Variants in EYS observed in about 807,000 individuals in gnomAD.
The protein encoded by EYS is EGF-like photoreceptor maintenance factor.
EYS carries 250 observed loss-of-function variants against 282.1 expected under a neutral mutation model. That is an observed-to-expected ratio of 0.89 (90% confidence interval 0.80 to 0.98). EYS has a LOEUF of 0.98. Among genes scored for constraint, EYS ranks in the 50% least tolerant of loss-of-function variants. The pLI, the probability that EYS is intolerant of heterozygous loss-of-function variation, is 0.00. For missense variants in EYS, 4,016 were observed against 3,709.0 expected (o/e 1.08, Z -2.15); for synonymous variants, 1,355 against 1,282.9 (o/e 1.06, Z -1.20).
At chr6:64,481,760 C>G (rs1435533412) in intron 26 of EYS, among the ~76,000 whole-genome samples, 1 of 151,372 alleles carries the variant, frequency 6.6e-6, no homozygotes, top group Non-Finnish European at 1.5e-5. Flanking sequence ...TCTACTCAAG[C>G]CAAGTGTTCA....
intron 35 of EYS, among the ~76,000 whole-genome samples, chr6:63,931,206 T>G (rs1188694165): frequency 6.6e-6 from 1 of 152,224 alleles, no homozygotes; most frequent in Non-Finnish European, 1.5e-5. Flanking sequence ...GGTGGCTTAA[T>G]GAGCCACCCC....
At chr6:64,778,452 T>A (rs1341871066) in intron 22 of EYS, among the ~76,000 whole-genome samples, 2 of 152,194 alleles carry the variant, frequency 1.3e-5, no homozygotes, top group Non-Finnish European at 2.9e-5. Context: ...CAATCTGCCC[T>A]TGGGCATTTT....
At chr6:64,424,764 G>C (rs1389519925) in intron 28 of EYS, among the ~76,000 whole-genome samples, 1 of 152,122 alleles carries the variant, frequency 6.6e-6, no homozygotes, top group Non-Finnish European at 1.5e-5. Flanking sequence ...ATTCAACCGG[G>C]AAGAAGACAG....
chr6:65,443,705 TGCA>T (rs1768532330), intron 5 of EYS, among the ~76,000 whole-genome samples: 1 of 53,802 alleles, frequency 1.9e-5, no homozygotes, highest in African/African-American at 5.2e-5. Context: ...TACACATATG[TGCA>T]TATACACATA....
chr6:65,004,096 T>A (rs1335992717), intron 13 of EYS, among the ~76,000 whole-genome samples: 1 of 147,464 alleles, frequency 6.8e-6, no homozygotes, highest in Non-Finnish European at 1.5e-5. Flanking sequence ...GTGATATATG[T>A]ATAAAATAGG....
intron 32 of EYS, among the ~76,000 whole-genome samples, chr6:64,068,819 C>T (rs140288101): frequency 2.0e-5 from 3 of 152,144 alleles, no homozygotes; most frequent in Admixed American, 2.0e-4. Context: ...CACTCAAAGA[C>T]ACCCATGTAC....
chr6:65,295,992 G>A lies in EYS; in HGVS notation c.1894C>T (p.Leu632=). 1.9e-6 allele frequency: 3 copies of A among 1,551,246 alleles called. No individual in the cohort carries two copies. The highest frequency in any genetic ancestry group is 2.6e-6 in the Non-Finnish European group (3 of 1,146,580). ...ALSHNCNCSG[L]QRYERNICEI... Reference sequence around the variant, plus strand: ...CAGATGTTCCTTTCATATCTTTGCAGACCGCTACAGTTACAATTGTGCGAA... The same window carrying A: ...CAGATGTTCCTTTCATATCTTTGCAAACCGCTACAGTTACAATTGTGCGAA... The change falls in exon 12 of 43, where the codon CTG becomes TTG. Residue 632 remains leucine (L), a synonymous_variant. Coordinates refer to ENST00000503581, the MANE Select transcript of EYS (RefSeq NM_001142800.2).
chr6:63,787,186 C>T (rs1267571907), intron 39 of EYS: 1 of 151,942 alleles, frequency 6.6e-6, no homozygotes, highest in Admixed American at 6.5e-5. Flanking sequence ...GAGAAAGGGC[C>T]AGCTCTGTGT....
At chr6:64,741,091 G>T (rs1244489783) in intron 22 of EYS, among the ~76,000 whole-genome samples, 1 of 152,078 alleles carries the variant, frequency 6.6e-6, no homozygotes, top group East Asian at 1.9e-4. Context: ...ATCTACCAGA[G>T]AAATCACTGC....
intron 9 of EYS, among the ~76,000 whole-genome samples, chr6:65,349,740 T>C (rs574026001): frequency 2.6e-5 from 4 of 151,566 alleles, no homozygotes; most frequent in African/African-American, 9.6e-5. Context: ...ACTCAAATAC[T>C]GTATGGTAGT....
chr6:64,865,069 A>G (rs1315253837), intron 19 of EYS, among the ~76,000 whole-genome samples: 1 of 152,126 alleles, frequency 6.6e-6, no homozygotes, highest in Non-Finnish European at 1.5e-5. Flanking sequence ...GCAGATATCA[A>G]GATTCTCTAT....
At chr6:64,860,655 C>G (rs1214153477) in intron 19 of EYS, among the ~76,000 whole-genome samples, 1 of 152,350 alleles carries the variant, frequency 6.6e-6, no homozygotes, top group Non-Finnish European at 1.5e-5. Flanking sequence ...CAGCTGTTTT[C>G]TCTTTCTTGT....
In EYS at chr6:65,120,139, G is replaced by T. The variant is rs1198834317; in HGVS notation, c.2024-62412C>A. ...TGCACTCCAGCCTGGGTGACAGAGC[G>T]AGACTCCGTCTCAAAAAAAAAAAAA... On this transcript the variant is annotated intron_variant, in intron 12 of 42. Coordinates refer to ENST00000503581, the MANE Select transcript of EYS (RefSeq NM_001142800.2). 4.8e-5 allele frequency among the ~76,000 whole-genome samples: 6 copies of T among 124,390 alleles called. No individual in the cohort carries two copies. The Admixed American group carries it at 5.3e-4, about 11-fold the overall frequency. The allele number at this position is 124,390 out of a possible 152,430, so 81.6% of individuals were successfully genotyped here. A position where few individuals can be genotyped will look rare whatever the true frequency, so the allele number is the denominator to read the frequency against.
chr6:64,409,756 C>G (rs1773826003), intron 28 of EYS, among the ~76,000 whole-genome samples: 1 of 152,084 alleles, frequency 6.6e-6, no homozygotes, highest in South Asian at 2.1e-4. Flanking sequence ...AAGCTAGTAA[C>G]ACACACTATG....
intron 41 of EYS, among the ~76,000 whole-genome samples, chr6:63,755,598 G>T (rs1769458406): frequency 1.3e-5 from 2 of 152,296 alleles, no homozygotes; most frequent in South Asian, 4.1e-4. Flanking sequence ...GCTTAGGATT[G>T]TCCTGGCTAT....
chr6:64,003,382 A>C (rs1768188540), intron 33 of EYS, among the ~76,000 whole-genome samples: 2 of 152,220 alleles, frequency 1.3e-5, no homozygotes, highest in South Asian at 2.1e-4. Flanking sequence ...CTACTATTTG[A>C]TAGCACAATA....
In EYS at chr6:65,295,897, T is replaced by C; in HGVS notation, c.1989A>G (p.Gly663=). 2 of 1,549,598 alleles carry C rather than the reference T, an allele frequency of 1.3e-6. No homozygotes were observed. The highest frequency in any genetic ancestry group is 1.7e-6 in the Non-Finnish European group (2 of 1,145,982). The change falls in exon 12 of 43, where the codon GGA becomes GGG. Residue 663 remains glycine, a synonymous_variant. Transcript: ENST00000503581. ...KNGTTSTHLR[G]YFFRKCVPGF... ...CTGGGACACACTTGCGGAAGAAATA[T>C]CCCCTTAAATGTGTACTAGTTGTTC...
At chr6:65,094,726 G>A (rs1774687825) in intron 12 of EYS, among the ~76,000 whole-genome samples, 1 of 150,874 alleles carries the variant, frequency 6.6e-6, no homozygotes, top group South Asian at 2.1e-4. Flanking sequence ...TGCAGCAAAA[G>A]CAATATTGAG....
chr6:64,066,255 G>T, intron 33 of EYS, 83 bp downstream of exon 33: 1 of 1,243,954 alleles, frequency 8.0e-7, no homozygotes. Context: ...TCCAGACTGG[G>T]TGACAGAGCA....
Sources: gnomAD v4.1 joint callset for allele counts (sites outside exome capture counted in the v4.1 genomes callset) on GRCh38, gnomAD v4.1.1 for gene constraint, MANE v1.5 for transcripts, NCBI Gene and HGNC (gene_info 2026-07-23, HGNC 2026-07-21) for gene names.